RMC1: variants seen among roughly 807,000 people sequenced by gnomAD.
The protein encoded by RMC1 is regulator of MON1-CCZ1.
RMC1 carries 44 observed loss-of-function variants against 95.5 expected under a neutral mutation model. The ratio of observed to expected loss-of-function variants is 0.46; its 90% CI spans 0.36 to 0.59. The LOEUF (loss-of-function observed/expected upper bound fraction) is 0.59. Ranked by LOEUF, RMC1 falls within the 20% of genes least tolerant of loss-of-function variation. The pLI, the probability that RMC1 is intolerant of heterozygous loss-of-function variation, is 0.00. For synonymous variants in RMC1, 320 were observed against 303.6 expected, an observed-to-expected ratio of 1.05 and a Z score of -0.56; for missense variants, 705 against 819.6, an observed-to-expected ratio of 0.86 and a Z score of 1.71.
Position 23,503,720 on chromosome 18 carries a change from G to C in RMC1, c.102G>C (p.Gln34His). 1 of 1,585,174 alleles carries C rather than the reference G, an allele frequency of 6.3e-7. No individual in the cohort carries two copies. Among genetic ancestry groups the C allele is most frequent in the Non-Finnish European group, 8.6e-7 (1 of 1,167,028 alleles). ...NCVFFDEANK[Q>H]VFAVRSGGAT... The stretch of plus-strand genomic sequence containing the variant: ...TCTTCTTCGATGAGGCCAACAAGCA[G>C]GTCCGGCGCGCCCGCGCTTCCTCCC... The change falls in exon 1 of 20, where the codon CAG (glutamine) becomes CAC (histidine). Residue 34 changes from glutamine to histidine, a missense_variant and splice_region_variant. Transcript: ENST00000269221.
At chr18:23,525,049 C>T (rs1031030109) in intron 12 of RMC1, among the ~76,000 whole-genome samples, 5 of 143,694 alleles carry the variant, frequency 3.5e-5, no homozygotes, top group Non-Finnish European at 6.0e-5. Flanking sequence ...CGGGTTCAAG[C>T]GATTCTCCTG....
At position 23,531,810 on chromosome 18, in the gene RMC1, C is replaced by T. The variant is rs888939134; in HGVS notation, c.*106C>T. ...TTATAAAGTGTATCTACAACCTCAA[C>T]TGTCACTAAAAATATGGTATAGAAC... is the stretch of plus-strand genomic sequence containing the variant. On this transcript the variant is annotated 3_prime_UTR_variant, in exon 20 of 20. Transcript: ENST00000269221. The T allele has an allele frequency of 3.0e-5, 46 of 1,511,402 alleles. No homozygotes were observed. The highest frequency in any genetic ancestry group is 2.4e-4 in the South Asian group (18 of 75,232). 93.6% of individuals were successfully genotyped at this position (1,511,402 alleles called of 1,614,324 possible). A position where few individuals can be genotyped will look rare whatever the true frequency, so the allele number is the denominator to read the frequency against.
At chr18:23,511,166 G>A (rs1432844267) in intron 5 of RMC1, among the ~76,000 whole-genome samples, 3 of 152,228 alleles carry the variant, frequency 2.0e-5, no homozygotes, top group Admixed American at 1.3e-4. Flanking sequence ...ACAAGATCAT[G>A]TCTTTTGTGG....
chr18:23,524,788 C>T (rs2058245245), intron 12 of RMC1, among the ~76,000 whole-genome samples: 2 of 151,956 alleles, frequency 1.3e-5, no homozygotes, highest in African/African-American at 4.8e-5. Flanking sequence ...CAGGGTGTCT[C>T]CCTCATTTCT....
Position 23,529,164 on chromosome 18 carries a change from G to A in RMC1, c.1297-15G>A. 6.2e-7 allele frequency: 1 copy of A among 1,606,458 alleles called. No homozygotes were observed. Among genetic ancestry groups the A allele is most frequent in the Non-Finnish European group, 8.5e-7 (1 of 1,177,842 alleles). ...AAGATGCCGAAGATCATAGTTTGTG[G>A]TTTTTTTCTTTCAGGCGGTGGAAGC... On this transcript the variant is annotated splice_polypyrimidine_tract_variant and intron_variant, in intron 14 of 19. Transcript: ENST00000269221.
At position 23,530,320 on chromosome 18, in the gene RMC1, TA is replaced by T; in HGVS notation, c.1668+24del. On this transcript the variant is annotated intron_variant, in intron 18 of 19. Coordinates refer to ENST00000269221, the MANE Select transcript of RMC1 (RefSeq NM_013326.5). ...AAGGTAACTCTGATGTGTGAGGTTTTAGACTATGGAAACTAACTCTGTTCCT... is the reference window on the plus strand; with the variant it reads ...AAGGTAACTCTGATGTGTGAGGTTTTGACTATGGAAACTAACTCTGTTCCT... 5 of 1,614,230 alleles carry T rather than the reference TA, an allele frequency of 3.1e-6. No homozygotes were observed. The South Asian group carries it at 5.5e-5, about 18-fold the overall frequency.
At chr18:23,524,628 T>A in intron 12 of RMC1, 146 bp downstream of exon 12, 1 of 746,466 alleles carries the variant, frequency 1.3e-6, no homozygotes, top group Non-Finnish European at 2.2e-6. Flanking sequence ...TTTTTCACTT[T>A]ATACGTTTTT....
At chr18:23,521,309 G>A (rs550903704) in intron 10 of RMC1, among the ~76,000 whole-genome samples, 6 of 152,324 alleles carry the variant, frequency 3.9e-5, no homozygotes, top group South Asian at 4.1e-4. Flanking sequence ...TTGATTAGCC[G>A]TTGATGGTGA....
At position 23,520,188 on chromosome 18, in the gene RMC1, T is replaced by C. The variant is rs1306468998; in HGVS notation, c.850-14T>C. 6.2e-7 allele frequency: 1 copy of C among 1,601,418 alleles called. No homozygotes were observed. The highest frequency in any genetic ancestry group is 1.1e-5 in the South Asian group (1 of 90,704). On this transcript the variant is annotated splice_polypyrimidine_tract_variant and intron_variant, in intron 9 of 19. Transcript: ENST00000269221. ...GATTGATTTTGGCCTCAGTCTTGTC[T>C]TTTTCCCCCCCAGACATCGGTAATA...
chr18:23,504,533 A>G, intron 2 of RMC1, 86 bp downstream of exon 2: 1 of 1,306,078 alleles, frequency 7.7e-7, no homozygotes, highest in Admixed American at 1.7e-5. Context: ...TAATTTTGTC[A>G]TTTGGTCTGC....
At chr18:23,517,236 G>A (rs556576275) in intron 7 of RMC1, among the ~76,000 whole-genome samples, 64 of 151,348 alleles carry the variant, frequency 4.2e-4, no homozygotes, top group East Asian at 5.9e-4. Flanking sequence ...TGCAACCTCC[G>A]CCTCCCAGGT....
In RMC1 at chr18:23,531,668, T is replaced by G; in HGVS notation, c.1938T>G (p.Phe646Leu). Residue 646 changes from phenylalanine (F) to leucine (L), a missense_variant, in exon 20 of 20, where the codon TTT (phenylalanine) becomes TTG (leucine). By Grantham distance (22) the Phe-to-Leu change is conservative (BLOSUM62 0). Transcript: ENST00000269221. ...EEHVAFFKQI[F>L]GDQALMRPTT... ...ATGTTGCTTTTTTCAAACAGATTTTTGGAGACCAAGCTCTAATGAGGCCTA... is the reference window on the plus strand; with the variant it reads ...ATGTTGCTTTTTTCAAACAGATTTTGGGAGACCAAGCTCTAATGAGGCCTA... The G allele has an allele frequency of 6.2e-7, 1 of 1,613,552 alleles. No homozygotes were observed. Among genetic ancestry groups the G allele is most frequent in the Non-Finnish European group, 8.5e-7 (1 of 1,179,922 alleles).
Position 23,527,891 on chromosome 18 carries a change from G to A in RMC1, c.1286G>A (p.Ser429Asn). The change falls in exon 14 of 20, where the codon AGT (serine) becomes AAT (asparagine). Residue 429 changes from serine (S) to asparagine (N), a missense_variant. By Grantham distance (46) the Ser-to-Asn change is conservative. Transcript: ENST00000269221. ...AAAAAGTACCTGGATGCCGAGCAGA[G>A]TTATGCGATGGTGAGTTACATGGAG... is the stretch of plus-strand genomic sequence containing the variant. ...EYKKYLDAEQ[S>N]YAMAVEAGQS... The A allele has an allele frequency of 1.2e-6, 2 of 1,613,634 alleles. No homozygotes were observed. Among genetic ancestry groups the A allele is most frequent in the Non-Finnish European group, 1.7e-6 (2 of 1,179,722 alleles).
chr18:23,518,816 A>C, intron 7 of RMC1, 74 bp from the exon 8 acceptor site: 3 of 1,339,690 alleles, frequency 2.2e-6, no homozygotes, highest in Non-Finnish European at 3.2e-6. Flanking sequence ...TAATTTACTT[A>C]ACCGTGATGC....
In RMC1 at chr18:23,527,670, T is replaced by A. The variant is rs562233414; in HGVS notation, c.1190-125T>A. The A allele has an allele frequency of 1.6e-5, 12 of 739,698 alleles. No individual in the cohort carries two copies. The East Asian group carries it at 3.1e-4, about 19-fold the overall frequency. 45.8% of individuals were successfully genotyped at this position (739,698 alleles called of 1,614,324 possible). On this transcript the variant is annotated intron_variant, in intron 13 of 19. Coordinates refer to ENST00000269221, the MANE Select transcript of RMC1 (RefSeq NM_013326.5). ...TAGCTGTCAGGTCTTTAAAGTAGAG[T>A]GTCCTTTAAAGGTACTTTTGCATTG...
intron 6 of RMC1, 139 bp from the exon 7 acceptor site, chr18:23,516,181 G>T: frequency 7.7e-7 from 1 of 1,296,830 alleles, no homozygotes; most frequent in Non-Finnish European, 1.1e-6. Flanking sequence ...TGGGCAGACA[G>T]GCTGTGAGAG....
chr18:23,507,472 A>C (rs1023598603), intron 3 of RMC1, among the ~76,000 whole-genome samples: 10 of 152,196 alleles, frequency 6.6e-5, no homozygotes, highest in African/African-American at 2.2e-4. Flanking sequence ...ATTTTTGGCT[A>C]CTTTGTGAAT....
Position 23,530,111 on chromosome 18 carries a change from C to T in RMC1, c.1578C>T (p.Val526=). The change falls in exon 17 of 20, where the codon GTC becomes GTT. Residue 526 remains valine, a synonymous_variant. Coordinates refer to ENST00000269221, the MANE Select transcript of RMC1 (RefSeq NM_013326.5). Reference sequence around the variant, plus strand: ...TGCATCAGTTCCTGCAGTACCACGTCCTCAGCGACTCCAAACCTTTGGTAT... The same window carrying T: ...TGCATCAGTTCCTGCAGTACCACGTTCTCAGCGACTCCAAACCTTTGGTAT... The part of the protein sequence containing the change: ...YMLHQFLQYH[V]LSDSKPLACL... 1 of 1,614,192 alleles carries T rather than the reference C, an allele frequency of 6.2e-7. No homozygotes were observed. Among genetic ancestry groups the T allele is most frequent in the Non-Finnish European group, 8.5e-7 (1 of 1,180,016 alleles).
At position 23,519,073 on chromosome 18, in the gene RMC1, G is replaced by A. The variant is rs1450908245; in HGVS notation, c.748G>A (p.Gly250Ser). The A allele has an allele frequency of 1.2e-6, 2 of 1,613,986 alleles. No individual in the cohort carries two copies. The highest frequency in any genetic ancestry group is 3.3e-5 in the Admixed American group (2 of 60,000). Residue 250 changes from glycine to serine, a missense_variant, in exon 9 of 20, where the codon GGT becomes AGT. Coordinates refer to ENST00000269221, the MANE Select transcript of RMC1 (RefSeq NM_013326.5). ...EVVLYHLPRE[G>S]ACKKMHILKL... is the part of the protein sequence containing the mutation. The stretch of plus-strand genomic sequence containing the variant: ...TTTTTGCTTTCTATCCTACAGAGAA[G>A]GTGCCTGTAAAAAGATGCACATATT...
Sources: allele counts gnomAD v4.1 joint callset (sites outside exome capture counted in the v4.1 genomes callset), GRCh38; gene constraint gnomAD v4.1.1; transcripts MANE v1.5; gene names NCBI Gene and HGNC (gene_info 2026-07-23, HGNC 2026-07-21).